FNDC3B: variants seen among roughly 807,000 people sequenced by gnomAD.
FNDC3B encodes the protein fibronectin type III domain containing 3B.
Under a neutral mutation model 151.5 loss-of-function variants are expected in FNDC3B, and 12 were observed. That is an observed-to-expected ratio of 0.08 (90% CI 0.05 to 0.13). FNDC3B has a LOEUF of 0.13. FNDC3B is among the 10% of genes least tolerant of loss of function. The probability of loss-of-function intolerance (pLI) is 1.00; values close to 1 mark genes in which losing one functional copy is unlikely to be tolerated. For synonymous variants in FNDC3B, 528 were observed against 549.0 expected (o/e 0.96, Z 0.54); for missense variants, 1,214 against 1,505.3 (o/e 0.81, Z 3.20).
At chr3:172,110,794 G>A (rs1719921794) in intron 1 of FNDC3B, among the ~76,000 whole-genome samples, 1 of 152,034 alleles carries the variant, frequency 6.6e-6, no homozygotes, top group Admixed American at 6.6e-5. Context: ...TAACCACCCT[G>A]TTAATCCAAC....
At chr3:172,275,849 A>G (rs1243206741) in intron 6 of FNDC3B, among the ~76,000 whole-genome samples, 1 of 151,902 alleles carries the variant, frequency 6.6e-6, no homozygotes, top group Non-Finnish European at 1.5e-5. Flanking sequence ...GGAAGTGTTG[A>G]TTAGGGAGAG....
intron 3 of FNDC3B, among the ~76,000 whole-genome samples, chr3:172,161,045 A>G (rs929137037): frequency 1.3e-5 from 2 of 152,166 alleles, no homozygotes; most frequent in African/African-American, 4.8e-5. Flanking sequence ...TTTGTTTTTT[A>G]ATCTTATTTT....
intron 1 of FNDC3B, among the ~76,000 whole-genome samples, chr3:172,098,715 G>A (rs1719213685): frequency 6.6e-6 from 1 of 152,102 alleles, no homozygotes; most frequent in African/African-American, 2.4e-5. Flanking sequence ...GAATTGTTGA[G>A]TTTCCCCTTC....
rs556512173 is a variant in FNDC3B, at chr3:172,127,393, T to C, written c.112-6078T>C. 2.9e-3 allele frequency among the ~76,000 whole-genome samples: 438 copies of C among 152,328 alleles called. 2 individuals carry two copies. The highest frequency in any genetic ancestry group is 0.01 in the African/African-American group (424 of 41,564). On this transcript the variant is annotated intron_variant, in intron 2 of 25. Transcript: ENST00000415807. ...GTGGTGTGGACTAGACGAGTATACA[T>C]TTTGGTCAGACATGGCTGGATTCCA... is the stretch of plus-strand genomic sequence containing the variant.
chr3:172,225,048 TGTCTTGGG>T (rs1726479934), intron 3 of FNDC3B, among the ~76,000 whole-genome samples: 1 of 152,268 alleles, frequency 6.6e-6, no homozygotes, highest in South Asian at 2.1e-4. Flanking sequence ...CTCAAAACTA[TGTCTTGGG>T]TAACTGTTAA....
chr3:172,157,360 C>T (rs1722542818), intron 3 of FNDC3B, among the ~76,000 whole-genome samples: 1 of 151,864 alleles, frequency 6.6e-6, no homozygotes, highest in Middle Eastern at 3.2e-3. Flanking sequence ...CAGGGAAGTT[C>T]CATGTATCTT....
At chr3:172,331,100 T>C (rs1278986186) in intron 13 of FNDC3B, among the ~76,000 whole-genome samples, 1 of 152,234 alleles carries the variant, frequency 6.6e-6, no homozygotes, top group Non-Finnish European at 1.5e-5. Flanking sequence ...CCTCTTAATA[T>C]TCCTAACTTC....
chr3:172,125,603 A>T (rs1478282761), intron 2 of FNDC3B, among the ~76,000 whole-genome samples: 1 of 152,210 alleles, frequency 6.6e-6, no homozygotes, highest in Non-Finnish European at 1.5e-5. Context: ...GCATCACCCT[A>T]GATGCAGCTT....
At chr3:172,258,472 C>T (rs1728481693) in intron 6 of FNDC3B, among the ~76,000 whole-genome samples, 1 of 152,170 alleles carries the variant, frequency 6.6e-6, no homozygotes, top group Non-Finnish European at 1.5e-5. Flanking sequence ...CAGAATCAGA[C>T]TACAGCTTTA....
At chr3:172,215,951 T>G (rs78913558) in intron 3 of FNDC3B, among the ~76,000 whole-genome samples, 1 of 152,166 alleles carries the variant, frequency 6.6e-6, no homozygotes, top group African/African-American at 2.4e-5. Flanking sequence ...CTAGGAGTCA[T>G]GCTCACCTGT....
chr3:172,055,941 C>T (rs948264749), intron 1 of FNDC3B, among the ~76,000 whole-genome samples: 1 of 152,176 alleles, frequency 6.6e-6, no homozygotes, highest in Non-Finnish European at 1.5e-5. Flanking sequence ...CCACCACGCC[C>T]GGCTAATTTT....
chr3:172,165,268 C>T (rs1021835740), intron 3 of FNDC3B, among the ~76,000 whole-genome samples: 1 of 152,184 alleles, frequency 6.6e-6, no homozygotes, highest in Admixed American at 6.5e-5. Context: ...CCTCAGCCTC[C>T]CAAAGTGCTA....
At chr3:172,311,687 A>G (rs984055696) in intron 11 of FNDC3B, among the ~76,000 whole-genome samples, 1 of 149,930 alleles carries the variant, frequency 6.7e-6, no homozygotes, top group African/African-American at 2.5e-5. Context: ...TAACACGATG[A>G]AACACCGTCT....
chr3:172,146,254 C>G (rs1010149564), intron 3 of FNDC3B, among the ~76,000 whole-genome samples: 3 of 152,154 alleles, frequency 2.0e-5, no homozygotes, highest in Admixed American at 2.0e-4. Context: ...TTCTGTGAGT[C>G]AAGCGCTCAC....
chr3:172,287,785 A>G (rs1308838947), intron 7 of FNDC3B, among the ~76,000 whole-genome samples: 1 of 152,184 alleles, frequency 6.6e-6, no homozygotes, highest in East Asian at 1.9e-4. Flanking sequence ...ATTTAGATTC[A>G]TTGGTCCTTT....
At chr3:172,330,372 G>A in intron 12 of FNDC3B, 169 bp from the exon 13 acceptor site, 1 of 528,930 alleles carries the variant, frequency 1.9e-6, no homozygotes, top group Non-Finnish European at 3.3e-6. Flanking sequence ...GGGGGGATGG[G>A]GAAGCTGAAG....
rs928204843 is a variant in FNDC3B at position 172,040,395 on chromosome 3, C to A, written c.-29+624C>A. 6.6e-6 allele frequency among the ~76,000 whole-genome samples: 1 copy of A among 151,900 alleles called. No individual in the cohort carries two copies. Among genetic ancestry groups the A allele is most frequent in the African/African-American group, 2.4e-5 (1 of 41,392 alleles). The stretch of plus-strand genomic sequence containing the variant: ...GGTCCCGAGCCCGCGCCGGCCTGGC[C>A]CCCCCGTCCCCGGCTGGGCCTCTCC... On this transcript the variant is annotated intron_variant, in intron 1 of 25. Coordinates refer to ENST00000415807, the MANE Select transcript of FNDC3B (RefSeq NM_022763.4). The surrounding 1 kb of genome is among the most constrained non-coding windows in gnomAD (Gnocchi z 6.6).
chr3:172,277,135 C>T (rs372129811), intron 6 of FNDC3B, among the ~76,000 whole-genome samples: 10 of 151,938 alleles, frequency 6.6e-5, no homozygotes, highest in African/African-American at 1.9e-4. Context: ...TGTGAAAAAA[C>T]GTGTGTGTGT....
At chr3:172,133,749 T>C (rs909296480) in intron 3 of FNDC3B, 8 of 603,996 alleles carry the variant, frequency 1.3e-5, no homozygotes, top group South Asian at 1.2e-4. Context: ...AAAATCTGTA[T>C]TGGGTATCTG....
Sources: allele counts gnomAD v4.1 joint callset (sites outside exome capture counted in the v4.1 genomes callset), GRCh38; gene constraint gnomAD v4.1.1; non-coding constraint Gnocchi (gnomAD v3.1); transcripts MANE v1.5; gene names NCBI Gene and HGNC (gene_info 2026-07-23, HGNC 2026-07-21).